PSIP1: variants seen among roughly 807,000 people sequenced by gnomAD.
PSIP1 encodes the protein PC4 and SRSF1 interacting protein 1.
In PSIP1, 19 loss-of-function variants were observed where a neutral mutation model predicts 74.7. The ratio of observed to expected loss-of-function variants is 0.25; its 90% CI spans 0.18 to 0.37. The LOEUF is 0.37. Ranked by LOEUF, PSIP1 falls within the 10% of genes least tolerant of loss-of-function variation. The pLI is 1.00. For synonymous variants in PSIP1, 222 were observed against 195.3 expected (o/e 1.14, Z -1.14); for missense variants, 601 against 614.3 (o/e 0.98, Z 0.23).
intron 3 of PSIP1, among the ~76,000 whole-genome samples, chr9:15,494,747 C>T (rs1375155367): frequency 6.6e-6 from 1 of 152,004 alleles, no homozygotes; most frequent in East Asian, 1.9e-4. Flanking sequence ...CAATAATTTA[C>T]CAAATTTACT....
intron 5 of PSIP1, 46 bp downstream of exon 5, chr9:15,486,777 TCTTC>T (rs1554659986): frequency 7.5e-7 from 1 of 1,329,442 alleles, no homozygotes; most frequent in Non-Finnish European, 1.1e-6. Flanking sequence ...TTTCATTATT[TCTTC>T]CTTGAAACAA....
chr9:15,471,903 T>C, intron 10 of PSIP1: 2 of 983,168 alleles, frequency 2.0e-6, no homozygotes, highest in African/African-American at 1.7e-5. Flanking sequence ...TGTAAGACGC[T>C]TCACGAGAAA....
intron 14 of PSIP1, among the ~76,000 whole-genome samples, chr9:15,467,176 A>G (rs374875469): frequency 6.6e-6 from 1 of 152,188 alleles, no homozygotes; most frequent in Admixed American, 6.5e-5. Context: ...ATTACCAGGA[A>G]TACTACAGGG....
chr9:15,510,097 G>T lies in PSIP1; in HGVS notation c.72+20C>A. 1 of 1,598,278 alleles carries T rather than the reference G, an allele frequency of 6.3e-7. No individual in the cohort carries two copies. The highest frequency in any genetic ancestry group is 8.5e-7 in the Non-Finnish European group (1 of 1,171,716). The stretch of plus-strand genomic sequence containing the variant: ...AGAGGAGGGTAGCACTGCTAAGCGC[G>T]AGGGCTACAAATCACTTACTCGAGC... On this transcript the variant is annotated intron_variant, in intron 2 of 15. Transcript: ENST00000380733.
intron 8 of PSIP1, among the ~76,000 whole-genome samples, chr9:15,477,917 C>G (rs965629126): frequency 7.0e-4 from 107 of 151,818 alleles, no homozygotes; most frequent in African/African-American, 2.2e-3. Flanking sequence ...GTGGGAGAAT[C>G]GTTTGAGCCC....
chr9:15,507,040 T>C lies in PSIP1; in HGVS notation c.73-403A>G, dbSNP rs544723688. On this transcript the variant is annotated intron_variant, in intron 2 of 15. Coordinates refer to ENST00000380733, the MANE Select transcript of PSIP1 (RefSeq NM_033222.5). ...TTTCAGGTAAGGAGTCTGAACCTATTTGACAACCCTAAATGTTAGTTCTGC... is the reference window on the plus strand; with the variant it reads ...TTTCAGGTAAGGAGTCTGAACCTATCTGACAACCCTAAATGTTAGTTCTGC... Among the ~76,000 whole-genome samples the C allele has an allele frequency of 8.2e-4, 125 of 152,206 alleles. 1 individual carries two copies. The highest frequency in any genetic ancestry group is 1.6e-3 in the Non-Finnish European group (110 of 68,032).
At chr9:15,489,625 A>G (rs1342560571) in intron 4 of PSIP1, among the ~76,000 whole-genome samples, 12 of 151,382 alleles carry the variant, frequency 7.9e-5, no homozygotes, top group East Asian at 5.8e-4. Context: ...AAAAAAAAAA[A>G]AAAGAAATTT....
At position 15,510,129 on chromosome 9, in the gene PSIP1, A is replaced by G; in HGVS notation, c.60T>C (p.His20=). 1.2e-6 allele frequency: 2 copies of G among 1,607,192 alleles called. No individual in the cohort carries two copies. Among genetic ancestry groups the G allele is most frequent in the African/African-American group, 1.4e-5 (1 of 74,000 alleles). ...LIFAKMKGYP[H]WPARVDEVPD... Reference sequence around the variant, plus strand: ...ACAAATCACTTACTCGAGCTGGCCAATGGGGATAACCTTTCATCTTGGCGA... The same window carrying G: ...ACAAATCACTTACTCGAGCTGGCCAGTGGGGATAACCTTTCATCTTGGCGA... The change falls in exon 2 of 16, where the codon CAT becomes CAC. Residue 20 remains histidine (H), a synonymous_variant. Transcript: ENST00000380733.
chr9:15,489,958 A>T (rs778466498), intron 4 of PSIP1, 28 bp downstream of exon 4: 5 of 1,479,740 alleles, frequency 3.4e-6, no homozygotes, highest in South Asian at 1.3e-5. Context: ...TAAATAAGTA[A>T]TATCAAATTT....
intron 3 of PSIP1, among the ~76,000 whole-genome samples, chr9:15,494,352 G>A (rs2036973779): frequency 6.6e-6 from 1 of 152,008 alleles, no homozygotes; most frequent in Admixed American, 6.6e-5. Flanking sequence ...GATCACCTGA[G>A]GTCAGGCGTT....
At chr9:15,470,413 T>C (rs1335879164) in intron 10 of PSIP1, among the ~76,000 whole-genome samples, 3 of 152,112 alleles carry the variant, frequency 2.0e-5, no homozygotes, top group Non-Finnish European at 4.4e-5. Flanking sequence ...TAAAGTTAAA[T>C]AGACTTAAGA....
intron 6 of PSIP1, among the ~76,000 whole-genome samples, chr9:15,483,344 G>C (rs1327670152): frequency 6.6e-6 from 1 of 151,728 alleles, no homozygotes; most frequent in Non-Finnish European, 1.5e-5. Context: ...TTAGATTCTA[G>C]TTCCCTCCCC....
At position 15,506,637 on chromosome 9, in the gene PSIP1, C is replaced by T. The variant is rs1228930937; in HGVS notation, c.73G>A (p.Val25Ile). The T allele has an allele frequency of 2.5e-6, 4 of 1,605,756 alleles. No homozygotes were observed. Among genetic ancestry groups the T allele is most frequent in the African/African-American group, 1.3e-5 (1 of 74,618 alleles). ...MKGYPHWPAR[V>I]DEVPDGAVKP... Reference sequence around the variant, plus strand: ...ACAGCTCCATCAGGAACTTCGTCTACCTAAAAGAAAAGTGAGAAAAATTAA... The same window carrying T: ...ACAGCTCCATCAGGAACTTCGTCTATCTAAAAGAAAAGTGAGAAAAATTAA... Residue 25 changes from valine (V) to isoleucine (I), a missense_variant and splice_region_variant, in exon 3 of 16, where the codon GTA (valine) becomes ATA (isoleucine). By Grantham distance (29) the Val-to-Ile change is conservative. Coordinates refer to ENST00000380733, the MANE Select transcript of PSIP1 (RefSeq NM_033222.5).
intron 3 of PSIP1, among the ~76,000 whole-genome samples, chr9:15,491,700 T>C (rs543055336): frequency 6.6e-6 from 1 of 152,322 alleles, no homozygotes; most frequent in South Asian, 2.1e-4. Flanking sequence ...GTTGAACCAC[T>C]ATAGGTGTGT....
At chr9:15,479,830 ATCAAC>A (rs1167419909) in intron 6 of PSIP1, 143 bp from the exon 7 acceptor site, 1 of 509,290 alleles carries the variant, frequency 2.0e-6, no homozygotes, top group Non-Finnish European at 3.4e-6. Context: ...TTTTTCAACA[ATCAAC>A]TCAAGAGTAA....
In PSIP1 at chr9:15,486,822, C is replaced by G. The variant is rs745847262; in HGVS notation, c.393+5G>C. On this transcript the variant is annotated splice_donor_5th_base_variant and intron_variant, in intron 5 of 15. Coordinates refer to ENST00000380733, the MANE Select transcript of PSIP1 (RefSeq NM_033222.5). Reference sequence around the variant, plus strand: ...GTTTAAAATGTTAGGAGAAATAGAACATACCTCATTGCTGGCTTTTTCTTC... The same window carrying G: ...GTTTAAAATGTTAGGAGAAATAGAAGATACCTCATTGCTGGCTTTTTCTTC... The G allele has an allele frequency of 6.3e-7, 1 of 1,581,336 alleles. No homozygotes were observed. The highest frequency in any genetic ancestry group is 1.4e-5 in the African/African-American group (1 of 73,770).
At chr9:15,470,069 TA>T in intron 10 of PSIP1, 76 bp from the exon 11 acceptor site, 2 of 1,203,676 alleles carry the variant, frequency 1.7e-6, no homozygotes, top group Non-Finnish European at 2.4e-6. Flanking sequence ...ATGTAAAAGC[TA>T]AAAATGTTTT....
At chr9:15,466,710 TA>T in intron 15 of PSIP1, 37 bp downstream of exon 15, 2 of 1,501,084 alleles carry the variant, frequency 1.3e-6, no homozygotes, top group Non-Finnish European at 1.8e-6. Context: ...ACCTGAATAA[TA>T]AAAAACACAC....
At chr9:15,478,645 TAAG>T (rs1300827615) in intron 7 of PSIP1, 93 bp from the exon 8 acceptor site, 1 of 853,800 alleles carries the variant, frequency 1.2e-6, no homozygotes, top group Admixed American at 1.9e-5. Flanking sequence ...ACATACTATT[TAAG>T]AATATTAGTA....
Sources: allele counts gnomAD v4.1 joint callset (sites outside exome capture counted in the v4.1 genomes callset), GRCh38; gene constraint gnomAD v4.1.1; transcripts MANE v1.5; gene names NCBI Gene and HGNC (gene_info 2026-07-23, HGNC 2026-07-21).